Variants in NCKAP5 observed in about 807,000 individuals in gnomAD.
The protein encoded by NCKAP5 is nck-associated protein 5.
A neutral mutation model predicts 167.0 loss-of-function variants in NCKAP5; 92 were observed. The observed-to-expected ratio is 0.55, with a 90% confidence interval of 0.47 to 0.66. The LOEUF is 0.66. Ranked by LOEUF, NCKAP5 falls within the 30% of genes least tolerant of loss-of-function variation. The pLI, the probability that NCKAP5 is intolerant of heterozygous loss-of-function variation, is 0.00. For synonymous variants in NCKAP5, 891 were observed against 877.4 expected (o/e 1.02, Z -0.27); for missense variants, 2,378 against 2,315.0 (o/e 1.03, Z -0.56).
At chr2:133,555,665 A>G (rs1687692447) in intron 2 of NCKAP5, among the ~76,000 whole-genome samples, 1 of 152,176 alleles carries the variant, frequency 6.6e-6, no homozygotes, top group South Asian at 2.1e-4. Flanking sequence ...ACTTCCTTTC[A>G]TATATTGTTC....
At position 132,994,816 on chromosome 2, in the gene NCKAP5, A is replaced by G. The variant is rs373698791; in HGVS notation, c.342-577T>C. Among the ~76,000 whole-genome samples the G allele has an allele frequency of 9.8e-5, 15 of 152,318 alleles. No homozygotes were observed. The East Asian group carries it at 2.1e-3, about 22-fold the overall frequency. On this transcript the variant is annotated intron_variant, in intron 6 of 19. Coordinates refer to ENST00000409261, the MANE Select transcript of NCKAP5 (RefSeq NM_207363.3). ...AACAGCATAGAGTGTACTTATATAAACCCAGATGGGATAGCCTACTACACA... is the reference window on the plus strand; with the variant it reads ...AACAGCATAGAGTGTACTTATATAAGCCCAGATGGGATAGCCTACTACACA...
chr2:132,816,112 G>A (rs1472198309), intron 11 of NCKAP5, among the ~76,000 whole-genome samples: 1 of 152,052 alleles, frequency 6.6e-6, no homozygotes, highest in East Asian at 1.9e-4. Flanking sequence ...GCTCACAGGG[G>A]CTTACCGGAA....
At chr2:133,590,930 A>T in the NCKAP5 span, among the ~76,000 whole-genome samples, 2 of 20,872 alleles carry the variant, frequency 9.6e-5, no homozygotes, top group Admixed American at 5.4e-4. Context: ...TGTGTGTGAG[A>T]GAGAGAGAGA....
Position 132,781,330 on chromosome 2 carries a change from C to T in NCKAP5, c.4872-101G>A, listed in dbSNP as rs931444635. On this transcript the variant is annotated intron_variant, in intron 14 of 19. Transcript: ENST00000409261. ...AATATTTAAAGTAACCTCTTTGTAGCTCTTTGTCTTTAAACCTTTGACGGA... is the reference window on the plus strand; with the variant it reads ...AATATTTAAAGTAACCTCTTTGTAGTTCTTTGTCTTTAAACCTTTGACGGA... The T allele has an allele frequency of 2.3e-5, 27 of 1,157,420 alleles. No homozygotes were observed. In the Admixed American group the frequency reaches 8.0e-4, roughly 34 times the overall value. 71.7% of individuals were successfully genotyped at this position (1,157,420 alleles called of 1,614,324 possible).
intron 18 of NCKAP5, 91 bp from the exon 19 acceptor site, chr2:132,725,850 G>A: frequency 7.6e-7 from 1 of 1,321,948 alleles, no homozygotes. Flanking sequence ...TTCACATCTG[G>A]CTGTCAATGT....
intron 1 of NCKAP5, among the ~76,000 whole-genome samples, chr2:133,567,500 C>T (rs546669588): frequency 6.6e-6 from 1 of 152,282 alleles, no homozygotes; most frequent in Non-Finnish European, 1.5e-5. Context: ...TCAAAGTTTG[C>T]CTTTTTCAGT....
At chr2:132,691,536 G>A (rs970530134) in intron 19 of NCKAP5, among the ~76,000 whole-genome samples, 5 of 151,958 alleles carry the variant, frequency 3.3e-5, no homozygotes, top group Non-Finnish European at 7.4e-5. Context: ...TTCCTCTTTC[G>A]ATTAGTCACG....
chr2:133,249,239 G>T (rs958432324), intron 4 of NCKAP5, among the ~76,000 whole-genome samples: 1 of 152,082 alleles, frequency 6.6e-6, no homozygotes, highest in East Asian at 1.9e-4. Context: ...TTTTGGCAGG[G>T]CTCAATGCAA....
At chr2:133,286,408 A>G (rs1396728050) in intron 4 of NCKAP5, among the ~76,000 whole-genome samples, 1 of 152,234 alleles carries the variant, frequency 6.6e-6, no homozygotes, top group African/African-American at 2.4e-5. Flanking sequence ...TAGTGGAGAA[A>G]AAAGAAAGGA....
At chr2:133,154,586 C>T (rs1343889613) in intron 5 of NCKAP5, among the ~76,000 whole-genome samples, 1 of 152,206 alleles carries the variant, frequency 6.6e-6, no homozygotes, top group Non-Finnish European at 1.5e-5. Flanking sequence ...ATGGCAATAA[C>T]ACTTAAAGTC....
chr2:133,038,417 C>A lies in NCKAP5; in HGVS notation c.342-44178G>T, dbSNP rs544576557. On this transcript the variant is annotated intron_variant, in intron 6 of 19. Coordinates refer to ENST00000409261, the MANE Select transcript of NCKAP5 (RefSeq NM_207363.3). The stretch of plus-strand genomic sequence containing the variant: ...TCACTTATTTGTCGGATCTAAAAAT[C>A]AAAACAATTGAACTCATGGACATAG... Among the ~76,000 whole-genome samples, 41 of 151,744 alleles carry A rather than the reference C, an allele frequency of 2.7e-4. No individual in the cohort carries two copies. In the Middle Eastern group the frequency reaches 0.014, roughly 50 times the overall value.
intron 5 of NCKAP5, among the ~76,000 whole-genome samples, chr2:133,212,820 C>T (rs965926263): frequency 2.0e-5 from 3 of 152,254 alleles, no homozygotes; most frequent in South Asian, 2.1e-4. Flanking sequence ...GCATCTTACT[C>T]TAGCCCTTTG....
intron 3 of NCKAP5, among the ~76,000 whole-genome samples, chr2:133,480,131 C>T (rs1680295243): frequency 6.6e-6 from 1 of 151,846 alleles, no homozygotes; most frequent in East Asian, 1.9e-4. Context: ...GGGGTTTCGC[C>T]GTGTTGGCCA....
At chr2:133,499,561 T>C (rs1682298765) in intron 3 of NCKAP5, among the ~76,000 whole-genome samples, 1 of 151,970 alleles carries the variant, frequency 6.6e-6, no homozygotes, top group African/African-American at 2.4e-5. Context: ...TTTTTGTTTT[T>C]TGTTTTTTGT....
chr2:133,360,112 T>C (rs959551989), intron 3 of NCKAP5, among the ~76,000 whole-genome samples: 12 of 152,150 alleles, frequency 7.9e-5, no homozygotes, highest in African/African-American at 2.9e-4. Context: ...ACAATGCACA[T>C]GAATCTCTCC....
chr2:133,588,967 A>G, the NCKAP5 span, among the ~76,000 whole-genome samples: 2 of 152,180 alleles, frequency 1.3e-5, no homozygotes, highest in Non-Finnish European at 2.9e-5. Context: ...CAGGGAGGAA[A>G]TGAGGTGCAG....
intron 3 of NCKAP5, among the ~76,000 whole-genome samples, chr2:133,342,330 G>A (rs1474347679): frequency 6.6e-6 from 1 of 152,174 alleles, no homozygotes; most frequent in Non-Finnish European, 1.5e-5. Context: ...AACTAGTATT[G>A]CAGATGATCT....
At chr2:132,687,421 T>TA (rs938807328) in intron 19 of NCKAP5, among the ~76,000 whole-genome samples, 103 of 152,268 alleles carry the variant, frequency 6.8e-4, no homozygotes, top group African/African-American at 2.4e-3. Context: ...TGTGAAGACT[T>TA]AGAGTTTCAG....
chr2:133,398,230 T>C lies in NCKAP5; in HGVS notation c.70-95120A>G, dbSNP rs543734622. ...ACTCAAACTCATCAAAAGGAAACCC[T>C]CAATAGGAGAAACAAGAGATATGTA... On this transcript the variant is annotated intron_variant, in intron 3 of 19. Coordinates refer to ENST00000409261, the MANE Select transcript of NCKAP5 (RefSeq NM_207363.3). 2.6e-5 allele frequency among the ~76,000 whole-genome samples: 4 copies of C among 152,160 alleles called. No homozygotes were observed. The East Asian group carries it at 7.7e-4, about 29-fold the overall frequency.
Sources: allele counts gnomAD v4.1 joint callset (sites outside exome capture counted in the v4.1 genomes callset), GRCh38; gene constraint gnomAD v4.1.1; transcripts MANE v1.5; gene names NCBI Gene and HGNC (gene_info 2026-07-23, HGNC 2026-07-21).